RABGAP1L: variants seen among roughly 807,000 people sequenced by gnomAD.
The protein encoded by RABGAP1L is RAB GTPase activating protein 1 like.
A neutral mutation model predicts 137.7 loss-of-function variants in RABGAP1L; 63 were observed. That is an observed-to-expected ratio of 0.46 (90% CI 0.37 to 0.56). RABGAP1L has a LOEUF of 0.56. RABGAP1L is among the 20% of genes least tolerant of loss of function. RABGAP1L has a pLI of 0.00. For missense variants in RABGAP1L, 1,095 were observed against 1,244.0 expected (o/e 0.88, Z 1.80); for synonymous variants, 431 against 433.7 (o/e 0.99, Z 0.08).
chr1:174,434,108 T>TACACACACACACACAC (rs35509787), intron 13 of RABGAP1L, among the ~76,000 whole-genome samples: 1,902 of 134,064 alleles, frequency 0.014, 44 homozygotes, highest in African/African-American at 0.039. Context: ...CGTGTACACA[T>TACACACACACACACAC]ACACACACAC....
Position 174,173,497 on chromosome 1 carries a change from TC to T in RABGAP1L, c.-34+13841del, listed in dbSNP as rs376095362. Among the ~76,000 whole-genome samples, 594 of 152,326 alleles carry T rather than the reference TC, an allele frequency of 3.9e-3. 4 individuals carry two copies. The highest frequency in any genetic ancestry group is 0.012 in the African/African-American group (513 of 41,560). ...ACTATTACATTATTACATACTTGGTTCTTAATGCATTTCTTATGACTTCCTC... is the reference window on the plus strand; with the variant it reads ...ACTATTACATTATTACATACTTGGTTTTAATGCATTTCTTATGACTTCCTC... On this transcript the variant is annotated intron_variant, in intron 1 of 25. Coordinates refer to ENST00000681986, the MANE Select transcript of RABGAP1L (RefSeq NM_001366446.1).
rs73036657 is a variant in RABGAP1L at position 174,288,182 on chromosome 1, C to G, written c.1323+9403C>G. ...TGTGTGCCCATTAAAATTATTTTAG[C>G]TATAATTATTTTTAATATGTTTGTT... On this transcript the variant is annotated intron_variant, in intron 10 of 25. Transcript: ENST00000681986. 5.3e-3 allele frequency among the ~76,000 whole-genome samples: 800 copies of G among 152,192 alleles called. 9 individuals are homozygous for G. Among genetic ancestry groups the G allele is most frequent in the African/African-American group, 0.018 (759 of 41,524 alleles).
chr1:174,339,738 T>C (rs1571294004), intron 11 of RABGAP1L, among the ~76,000 whole-genome samples: 1 of 151,880 alleles, frequency 6.6e-6, no homozygotes, highest in East Asian at 1.9e-4. Flanking sequence ...TCCCGAGTAG[T>C]TGGGATTACA....
chr1:174,746,630 T>C (rs1683887399), intron 17 of RABGAP1L, among the ~76,000 whole-genome samples: 1 of 152,234 alleles, frequency 6.6e-6, no homozygotes, highest in African/African-American at 2.4e-5. Flanking sequence ...TTAAATAATA[T>C]CCAAATAAGA....
At chr1:174,261,544 T>G (rs1673580859) in intron 7 of RABGAP1L, among the ~76,000 whole-genome samples, 1 of 152,190 alleles carries the variant, frequency 6.6e-6, no homozygotes, top group South Asian at 2.1e-4. Flanking sequence ...AAAGATATCC[T>G]AGACAAGGAG....
At chr1:174,689,843 A>G (rs1678749675) in intron 15 of RABGAP1L, among the ~76,000 whole-genome samples, 1 of 152,120 alleles carries the variant, frequency 6.6e-6, no homozygotes, top group Non-Finnish European at 1.5e-5. Flanking sequence ...TTCCTATAGG[A>G]AGAGGGGTTT....
At chr1:174,437,689 C>G (rs1028962349) in intron 13 of RABGAP1L, among the ~76,000 whole-genome samples, 2 of 152,138 alleles carry the variant, frequency 1.3e-5, no homozygotes, top group Admixed American at 6.5e-5. Flanking sequence ...GCAAGGCAGA[C>G]CAACATTCAA....
intron 13 of RABGAP1L, among the ~76,000 whole-genome samples, chr1:174,571,632 T>C (rs1452324580): frequency 2.6e-5 from 4 of 152,172 alleles, no homozygotes; most frequent in Non-Finnish European, 4.4e-5. Context: ...GCATGCAATA[T>C]AAATGCTTGT....
intron 17 of RABGAP1L, among the ~76,000 whole-genome samples, chr1:174,745,894 T>C (rs1683826142): frequency 6.6e-6 from 1 of 152,194 alleles, no homozygotes; most frequent in African/African-American, 2.4e-5. Flanking sequence ...TCCATTTACT[T>C]TGGCCATTTT....
At chr1:174,400,207 ATTAC>A (rs1648400486) in intron 13 of RABGAP1L, among the ~76,000 whole-genome samples, 1 of 152,124 alleles carries the variant, frequency 6.6e-6, no homozygotes, top group Admixed American at 6.6e-5. Flanking sequence ...GTATTACTCT[ATTAC>A]TTACTCTCTA....
chr1:174,794,942 T>C (rs1260718929), intron 18 of RABGAP1L, among the ~76,000 whole-genome samples: 1 of 152,252 alleles, frequency 6.6e-6, no homozygotes, highest in African/African-American at 2.4e-5. Context: ...AAGTCAAATG[T>C]GCTTTTCATT....
chr1:174,616,054 G>A (rs771226331), intron 13 of RABGAP1L, among the ~76,000 whole-genome samples: 1 of 152,226 alleles, frequency 6.6e-6, no homozygotes, highest in Non-Finnish European at 1.5e-5. Flanking sequence ...GTCTTGCCCT[G>A]CTTTGGCTCG....
At chr1:174,544,302 T>G (rs1050906941) in intron 13 of RABGAP1L, among the ~76,000 whole-genome samples, 10 of 152,214 alleles carry the variant, frequency 6.6e-5, no homozygotes, top group African/African-American at 2.2e-4. Flanking sequence ...TTCTTTTTAC[T>G]CTTTTTTTCT....
chr1:174,221,027 A>G lies in RABGAP1L; in HGVS notation c.194A>G (p.Asp65Gly). The G allele has an allele frequency of 6.2e-7, 1 of 1,613,848 alleles. No individual in the cohort carries two copies. Among genetic ancestry groups the G allele is most frequent in the Admixed American group, 1.7e-5 (1 of 59,988 alleles). The change falls in exon 3 of 26, where the codon GAT (aspartate) becomes GGT (glycine). Residue 65 changes from aspartate to glycine, a missense_variant. Asp to Gly is a moderately conservative substitution (Grantham distance 94, BLOSUM62 -1). This residue lies in a region of RABGAP1L where 356 missense variants were observed against 326.3 expected (regional missense o/e 1.09). Coordinates refer to ENST00000681986, the MANE Select transcript of RABGAP1L (RefSeq NM_001366446.1). ...LEKAMEEILR[D>G]SEKRPSSLLV... is the part of the protein sequence containing the mutation. Reference sequence around the variant, plus strand: ...AAAGCCATGGAAGAGATTTTGAGAGATTCCGAGAAAAGGCCAAGCAGTCTT... The same window carrying G: ...AAAGCCATGGAAGAGATTTTGAGAGGTTCCGAGAAAAGGCCAAGCAGTCTT...
At chr1:174,713,048 C>T (rs1680702536) in intron 17 of RABGAP1L, among the ~76,000 whole-genome samples, 1 of 152,202 alleles carries the variant, frequency 6.6e-6, no homozygotes, top group Non-Finnish European at 1.5e-5. Flanking sequence ...GGCACAGGCC[C>T]AGAGGTGGAG....
At chr1:174,850,145 C>G in intron 19 of RABGAP1L, 1 of 465,656 alleles carries the variant, frequency 2.1e-6, no homozygotes, top group South Asian at 1.6e-5. Context: ...AATTCCTGAT[C>G]CTGCGAGTCA....
intron 13 of RABGAP1L, among the ~76,000 whole-genome samples, chr1:174,542,994 G>T (rs909817895): frequency 6.6e-6 from 1 of 152,192 alleles, no homozygotes; most frequent in Admixed American, 6.5e-5. Context: ...AACATTTGCA[G>T]AGGAGTGCTT....
intron 13 of RABGAP1L, among the ~76,000 whole-genome samples, chr1:174,446,031 T>G (rs1244525235): frequency 6.6e-6 from 1 of 152,182 alleles, no homozygotes; most frequent in Non-Finnish European, 1.5e-5. Context: ...TGCTGTTGAT[T>G]GGGGCAGGAG....
intron 11 of RABGAP1L, among the ~76,000 whole-genome samples, chr1:174,363,484 T>C (rs1684317026): frequency 6.6e-6 from 1 of 152,196 alleles, no homozygotes; most frequent in African/African-American, 2.4e-5. Context: ...GTTCTCCTTG[T>C]AGAGATCTTT....
Sources: gnomAD v4.1 joint callset for allele counts (sites outside exome capture counted in the v4.1 genomes callset) on GRCh38, gnomAD v4.1.1 for gene constraint, gnomAD v4.1.1 regional missense constraint, MANE v1.5 for transcripts, NCBI Gene and HGNC (gene_info 2026-07-23, HGNC 2026-07-21) for gene names.